KAZN: variants seen among roughly 807,000 people sequenced by gnomAD.
The protein encoded by KAZN is kazrin, periplakin interacting protein.
A neutral mutation model predicts 87.4 loss-of-function variants in KAZN; 40 were observed. That is an observed-to-expected ratio of 0.46 (90% confidence interval 0.36 to 0.60). The LOEUF (loss-of-function observed/expected upper bound fraction) is 0.60, where lower values mean the gene tolerates loss of function less well. Among genes scored for constraint, KAZN ranks in the 20% least tolerant of loss-of-function variants. KAZN has a pLI of 0.00. For synonymous variants in KAZN, 466 were observed against 458.3 expected (o/e 1.02, Z -0.22); for missense variants, 898 against 1,073.9 (o/e 0.84, Z 2.29).
chr1:14,523,581 C>T (rs1330691837), intron 2 of KAZN, among the ~76,000 whole-genome samples: 3 of 152,260 alleles, frequency 2.0e-5, no homozygotes, highest in African/African-American at 4.8e-5. Flanking sequence ...GCTCCATCAC[C>T]AGCAGCCCTC....
chr1:14,606,495 G>A (rs1677370621), intron 1 of KAZN, among the ~76,000 whole-genome samples: 1 of 152,132 alleles, frequency 6.6e-6, no homozygotes, highest in African/African-American at 2.4e-5. Context: ...TTTGATCCTG[G>A]ACTTGGAGCC....
intron 2 of KAZN, among the ~76,000 whole-genome samples, chr1:14,549,613 C>CTTTTTT (rs5772587): frequency 2.2e-5 from 3 of 135,202 alleles, no homozygotes; most frequent in Non-Finnish European, 1.6e-5. Flanking sequence ...CAGGCAACCC[C>CTTTTTT]TTTTTTTTTT....
intron 2 of KAZN, among the ~76,000 whole-genome samples, chr1:14,245,583 CAAGTACA>C (rs1284290298): frequency 3.8e-4 from 58 of 152,074 alleles, no homozygotes; most frequent in Non-Finnish European, 7.6e-4. Context: ...CTTGCTTGTC[CAAGTACA>C]TCTTTGAGAT....
chr1:13,978,701 G>A (rs1638503409), intron 1 of KAZN, among the ~76,000 whole-genome samples: 1 of 151,974 alleles, frequency 6.6e-6, no homozygotes, highest in Admixed American at 6.6e-5. Flanking sequence ...TTTTAAAAGT[G>A]AAGTGGGAAA....
chr1:14,478,015 T>C (rs1668848913), intron 2 of KAZN, among the ~76,000 whole-genome samples: 1 of 152,118 alleles, frequency 6.6e-6, no homozygotes, highest in African/African-American at 2.4e-5. Flanking sequence ...TAGGTGAAAA[T>C]CACCAAGCAG....
At chr1:15,010,476 C>T (rs907857757) in intron 2 of KAZN, among the ~76,000 whole-genome samples, 7 of 151,144 alleles carry the variant, frequency 4.6e-5, no homozygotes, top group Admixed American at 6.6e-5. Flanking sequence ...CTGCAAGCTC[C>T]GCCTCCCAGG....
At chr1:14,890,992 C>T (rs980199087) in intron 1 of KAZN, among the ~76,000 whole-genome samples, 2 of 151,564 alleles carry the variant, frequency 1.3e-5, no homozygotes, top group African/African-American at 4.9e-5. Flanking sequence ...TACAGGCACC[C>T]GTCACCACGC....
At chr1:14,704,578 C>T (rs967543568) in intron 1 of KAZN, among the ~76,000 whole-genome samples, 1 of 152,198 alleles carries the variant, frequency 6.6e-6, no homozygotes, top group Non-Finnish European at 1.5e-5. Context: ...CTCTGAGTGA[C>T]AGATCTAAGG....
At chr1:14,358,158 G>A (rs909251223) in intron 2 of KAZN, among the ~76,000 whole-genome samples, 2 of 152,114 alleles carry the variant, frequency 1.3e-5, no homozygotes, top group African/African-American at 4.8e-5. Flanking sequence ...GAGGGTGTAT[G>A]TGTCCAGGAA....
chr1:14,025,404 C>T (rs1641027062), intron 1 of KAZN, among the ~76,000 whole-genome samples: 1 of 152,274 alleles, frequency 6.6e-6, no homozygotes, highest in East Asian at 1.9e-4. Flanking sequence ...GTAGTTAGAC[C>T]AGCATCATCA....
At chr1:14,615,875 A>G (rs1412409639) in intron 1 of KAZN, among the ~76,000 whole-genome samples, 1 of 152,232 alleles carries the variant, frequency 6.6e-6, no homozygotes, top group Non-Finnish European at 1.5e-5. Flanking sequence ...CTGACTATTC[A>G]TAATATCACC....
intron 2 of KAZN, among the ~76,000 whole-genome samples, chr1:14,341,681 C>T (rs927607720): frequency 6.6e-5 from 10 of 152,222 alleles, no homozygotes; most frequent in Middle Eastern, 3.4e-3. Flanking sequence ...GCAGGGAGGC[C>T]CTCCTAGCAC....
chr1:14,942,178 T>C (rs1386271809), intron 1 of KAZN, among the ~76,000 whole-genome samples: 7 of 152,172 alleles, frequency 4.6e-5, no homozygotes, highest in African/African-American at 7.2e-5. Flanking sequence ...GTGGCTTGTT[T>C]TGCTTTACAC....
At chr1:15,006,257 C>T (rs80347324) in intron 2 of KAZN, among the ~76,000 whole-genome samples, 76 of 152,282 alleles carry the variant, frequency 5.0e-4, no homozygotes, top group Non-Finnish European at 8.2e-4. Context: ...GGTAGATGAC[C>T]CAGGCCTCTG....
intron 2 of KAZN, among the ~76,000 whole-genome samples, chr1:14,360,145 T>C (rs570945307): frequency 6.6e-6 from 1 of 152,308 alleles, no homozygotes; most frequent in East Asian, 1.9e-4. Context: ...TTCCTTTTCA[T>C]TCTTTTTTCT....
At chr1:14,342,691 G>A (rs903743132) in intron 2 of KAZN, among the ~76,000 whole-genome samples, 3 of 152,236 alleles carry the variant, frequency 2.0e-5, no homozygotes, top group African/African-American at 7.2e-5. Context: ...GGAGAAAGAG[G>A]TTGGGGGAGG....
intron 2 of KAZN, among the ~76,000 whole-genome samples, chr1:14,278,622 T>A (rs1652590952): frequency 1.3e-5 from 2 of 152,176 alleles, no homozygotes; most frequent in South Asian, 4.1e-4. Context: ...ATCTAGTCAC[T>A]GCTTAAGTTT....
intron 2 of KAZN, among the ~76,000 whole-genome samples, chr1:14,378,652 A>G (rs1242940965): frequency 6.6e-6 from 1 of 152,196 alleles, no homozygotes; most frequent in African/African-American, 2.4e-5. Context: ...ATGCAAAACC[A>G]AGCTGAACTC....
At chr1:14,149,061 GCCTTCCTT>G (rs537235829) in intron 1 of KAZN, among the ~76,000 whole-genome samples, 8,868 of 128,672 alleles carry the variant, frequency 0.069, 1,219 homozygotes, top group African/African-American at 0.13. Context: ...CTGCCTTCCT[GCCTTCCTT>G]CCTTCCTTCC....
Sources: gnomAD v4.1 joint callset for allele counts (sites outside exome capture counted in the v4.1 genomes callset) on GRCh38, gnomAD v4.1.1 for gene constraint, MANE v1.5 for transcripts, NCBI Gene and HGNC (gene_info 2026-07-23, HGNC 2026-07-21) for gene names.